RILPL1: variants seen among roughly 807,000 people sequenced by gnomAD.
RILPL1 encodes the protein Rab interacting lysosomal protein like 1, also known as RILP-like protein 1.
Under a neutral mutation model 50.3 loss-of-function variants are expected in RILPL1, and 33 were observed. That is an observed-to-expected ratio of 0.66 (90% CI 0.50 to 0.88). The LOEUF is 0.88. RILPL1 is among the 40% of genes least tolerant of loss of function. RILPL1 has a pLI of 0.00. For synonymous variants in RILPL1, 205 were observed against 228.6 expected, an observed-to-expected ratio of 0.90 and a Z score of 0.93; for missense variants, 418 against 542.5, an observed-to-expected ratio of 0.77 and a Z score of 2.28.
chr12:123,483,658 A>G (rs1164759417), intron 6 of RILPL1, among the ~76,000 whole-genome samples: 5 of 151,630 alleles, frequency 3.3e-5, no homozygotes, highest in African/African-American at 9.7e-5. Context: ...GGACTAGGTC[A>G]CTCTTTTTTG....
chr12:123,507,664 G>T (rs552647835), intron 2 of RILPL1, among the ~76,000 whole-genome samples: 3 of 151,134 alleles, frequency 2.0e-5, no homozygotes, highest in Non-Finnish European at 4.4e-5. Flanking sequence ...CAGCTAGGCC[G>T]TGCACGGTGG....
chr12:123,511,533 T>C (rs1884204794), intron 2 of RILPL1, among the ~76,000 whole-genome samples: 1 of 135,726 alleles, frequency 7.4e-6, no homozygotes, highest in African/African-American at 2.8e-5. Context: ...GTGTGGTGTG[T>C]GTGAGGTCTG....
At position 123,485,632 on chromosome 12, in the gene RILPL1, C is replaced by A; in HGVS notation, c.974+1G>T. Reference sequence around the variant, plus strand: ...GGCCATCCAGCCCCAGGGACACTTGCCTCTTATAGTAAGCCAGCTCCTCCT... The same window carrying A: ...GGCCATCCAGCCCCAGGGACACTTGACTCTTATAGTAAGCCAGCTCCTCCT... On this transcript the variant is annotated splice_donor_variant, in intron 5 of 6. Transcript: ENST00000376874. LOFTEE classifies it high-confidence loss of function. This position sits in a 1 kb window ranked among gnomAD's most constrained non-coding sequence, Gnocchi z 4.0. The A allele has an allele frequency of 1.2e-6, 2 of 1,613,428 alleles. No homozygotes were observed. Among genetic ancestry groups the A allele is most frequent in the African/African-American group, 2.7e-5 (2 of 75,042 alleles).
chr12:123,493,041 G>A (rs562865252), intron 4 of RILPL1, among the ~76,000 whole-genome samples: 8 of 152,268 alleles, frequency 5.3e-5, no homozygotes, highest in Admixed American at 5.2e-4. Context: ...TCTGTGCTGA[G>A]GAGGATTAGT....
intron 4 of RILPL1, among the ~76,000 whole-genome samples, chr12:123,492,736 C>G (rs1011014777): frequency 5.3e-5 from 8 of 152,142 alleles, no homozygotes; most frequent in African/African-American, 1.9e-4. Flanking sequence ...AAGAAAAATT[C>G]TTCTGCCTTG....
chr12:123,481,660 G>A (rs560134612), intron 6 of RILPL1, among the ~76,000 whole-genome samples: 149 of 151,038 alleles, frequency 9.9e-4, no homozygotes, highest in African/African-American at 3.5e-3. Flanking sequence ...AGGTTCAAGC[G>A]ATTCTCCTGC....
chr12:123,482,618 CTCTT>C (rs1484378297), intron 6 of RILPL1, among the ~76,000 whole-genome samples: 3 of 149,234 alleles, frequency 2.0e-5, no homozygotes, highest in Admixed American at 6.7e-5. Flanking sequence ...CTCTCTCTCT[CTCTT>C]TTTTTTTTTT....
Position 123,485,804 on chromosome 12 carries a change from G to T in RILPL1, c.803C>A (p.Thr268Lys). 6.2e-7 allele frequency: 1 copy of T among 1,601,822 alleles called. No homozygotes were observed. Among genetic ancestry groups the T allele is most frequent in the South Asian group, 1.1e-5 (1 of 89,922 alleles). The change falls in exon 5 of 7, where the codon ACG (threonine) becomes AAG (lysine). Residue 268 changes from threonine (T) to lysine (K), a missense_variant and splice_region_variant. By Grantham distance (78) the Thr-to-Lys change is moderately conservative (BLOSUM62 -1). Coordinates refer to ENST00000376874, the MANE Select transcript of RILPL1 (RefSeq NM_178314.5). This position sits in a 1 kb window ranked among gnomAD's most constrained non-coding sequence, Gnocchi z 4.0. The stretch of plus-strand genomic sequence containing the variant: ...GATGCTCTCCTCTCCCACCGGCTCC[G>T]TCTGGAGGAGGCAGAGATGCTGCTA... Reference protein sequence around the residue: ...HSQNGEEEPETEPVGEESISD... With the variant: ...HSQNGEEEPEKEPVGEESISD...
intron 2 of RILPL1, among the ~76,000 whole-genome samples, chr12:123,500,912 C>T (rs865920793): frequency 2.3e-4 from 35 of 150,858 alleles, no homozygotes; most frequent in South Asian, 4.2e-4. Flanking sequence ...TGAGACCAGC[C>T]TGGCCGACAT....
chr12:123,482,207 T>C (rs1882046974), intron 6 of RILPL1, among the ~76,000 whole-genome samples: 1 of 151,910 alleles, frequency 6.6e-6, no homozygotes, highest in African/African-American at 2.4e-5. Flanking sequence ...TTGAGTTGAG[T>C]TTCAATTGCA....
intron 4 of RILPL1, among the ~76,000 whole-genome samples, chr12:123,497,081 T>C (rs2139336064): frequency 6.6e-6 from 1 of 152,364 alleles, no homozygotes; most frequent in East Asian, 1.9e-4. Flanking sequence ...CTCCGCGTGA[T>C]GTTTTTGCAG....
At chr12:123,493,619 T>G (rs1291944953) in intron 4 of RILPL1, among the ~76,000 whole-genome samples, 2 of 152,150 alleles carry the variant, frequency 1.3e-5, no homozygotes, top group Non-Finnish European at 2.9e-5. Flanking sequence ...ATAGCTCTCA[T>G]GTCCTCCAAA....
chr12:123,475,525 T>C (rs1881526223), intron 6 of RILPL1: 1 of 657,000 alleles, frequency 1.5e-6, no homozygotes, highest in Non-Finnish European at 2.8e-6. Flanking sequence ...ACACTCAACA[T>C]CCACGTCAAA....
rs1289761458 is a variant in RILPL1 at position 123,521,498 on chromosome 12, CAT to C, written c.460+1995_460+1996del. Reference sequence around the variant, plus strand: ...TGGTTCCCACAGTCCTTTTCAGTGCCATATATGTTTTTATAAATTTATATATA... The same window carrying C: ...TGGTTCCCACAGTCCTTTTCAGTGCCATATGTTTTTATAAATTTATATATA... On this transcript the variant is annotated intron_variant, in intron 2 of 6. Coordinates refer to ENST00000376874, the MANE Select transcript of RILPL1 (RefSeq NM_178314.5). Among the ~76,000 whole-genome samples the C allele has an allele frequency of 2.7e-5, 4 of 146,410 alleles. No homozygotes were observed. In the South Asian group the frequency reaches 8.5e-4, roughly 31 times the overall value.
intron 6 of RILPL1, chr12:123,475,830 T>C (rs1881553475): frequency 7.2e-6 from 6 of 838,790 alleles, no homozygotes; most frequent in Non-Finnish European, 9.8e-6. Context: ...CAGACACCAG[T>C]GGAAGGGTTT....
intron 3 of RILPL1, 25 bp downstream of exon 3, chr12:123,499,393 C>A (rs756119751): frequency 7.7e-6 from 12 of 1,550,980 alleles, no homozygotes; most frequent in Middle Eastern, 1.7e-4. Flanking sequence ...GGAGGGTGGA[C>A]GCAGGTCAGG....
At chr12:123,519,175 G>A (rs1376249401) in intron 2 of RILPL1, among the ~76,000 whole-genome samples, 1 of 151,702 alleles carries the variant, frequency 6.6e-6, no homozygotes, top group African/African-American at 2.4e-5. Flanking sequence ...GTTCTGTAAT[G>A]CCCTTCAGAA....
Position 123,533,471 on chromosome 12 carries a change from C to T in RILPL1, c.12G>A (p.Glu4=), listed in dbSNP as rs761039323. Residue 4 remains glutamate (E), a synonymous_variant, in exon 1 of 7, where the codon GAG becomes GAA. Transcript: ENST00000376874. This position sits in a 1 kb window ranked among gnomAD's most constrained non-coding sequence, Gnocchi z 6.2. MEE[E]RGSALAAESA... is the part of the protein sequence containing the mutation. ...ACTCGGCCGCCAGCGCCGACCCCCG[C>T]TCCTCCTCCATGGCCACCCTCCTGG... is the stretch of plus-strand genomic sequence containing the variant. The T allele has an allele frequency of 1.6e-5, 24 of 1,526,480 alleles. No homozygotes were observed. The highest frequency in any genetic ancestry group is 1.9e-5 in the Non-Finnish European group (22 of 1,134,894). The allele number at this position is 1,526,480 out of a possible 1,614,324, so 94.6% of individuals were successfully genotyped here. A position where few individuals can be genotyped will look rare whatever the true frequency, so the allele number is the denominator to read the frequency against.
intron 1 of RILPL1, among the ~76,000 whole-genome samples, chr12:123,526,359 A>C (rs1378291916): frequency 2.0e-5 from 3 of 152,158 alleles, no homozygotes; most frequent in Non-Finnish European, 4.4e-5. Context: ...TAGTGGTTCA[A>C]GGCATGGACA....
Sources: allele counts gnomAD v4.1 joint callset (sites outside exome capture counted in the v4.1 genomes callset), GRCh38; gene constraint gnomAD v4.1.1; non-coding constraint Gnocchi (gnomAD v3.1); transcripts MANE v1.5; gene names NCBI Gene and HGNC (gene_info 2026-07-23, HGNC 2026-07-21).